The following MGMT variants were observed in gnomAD, a reference collection of about 807,000 sequenced individuals.
MGMT encodes O-6-methylguanine-DNA methyltransferase, also known as methylated-DNA--protein-cysteine methyltransferase.
A neutral mutation model predicts 15.9 loss-of-function variants in MGMT; 14 were observed. The ratio of observed to expected loss-of-function variants is 0.88; its 90% confidence interval spans 0.58 to 1.37. The LOEUF (loss-of-function observed/expected upper bound fraction) is 1.37, where lower values mean the gene tolerates loss of function less well. Among genes scored for constraint, MGMT ranks in the 40% most tolerant of loss-of-function variants. The pLI, the probability that MGMT is intolerant of heterozygous loss-of-function variation, is 0.00. For synonymous variants in MGMT, 130 were observed against 118.2 expected, an observed-to-expected ratio of 1.10 and a Z score of -0.65; for missense variants, 282 against 268.1, an observed-to-expected ratio of 1.05 and a Z score of -0.36.
At chr10:129,509,917 G>A (rs1055276922) in intron 1 of MGMT, among the ~76,000 whole-genome samples, 2 of 152,240 alleles carry the variant, frequency 1.3e-5, no homozygotes, top group Non-Finnish European at 1.5e-5. Context: ...ACCCACCTGG[G>A]GGCTGTTTCC....
intron 2 of MGMT, among the ~76,000 whole-genome samples, chr10:129,631,623 G>GACC (rs905655882): frequency 6.6e-6 from 1 of 152,148 alleles, no homozygotes; most frequent in African/African-American, 2.4e-5. Flanking sequence ...AGGAGTTCAG[G>GACC]ACCAGCCTGG....
chr10:129,606,477 T>C (rs1185118090), intron 2 of MGMT, among the ~76,000 whole-genome samples: 1 of 152,210 alleles, frequency 6.6e-6, no homozygotes, highest in Non-Finnish European at 1.5e-5. Flanking sequence ...GAGGTCTCTG[T>C]AAACATGCTG....
intron 4 of MGMT, among the ~76,000 whole-genome samples, chr10:129,762,191 G>A (rs1164766057): frequency 6.6e-6 from 1 of 152,200 alleles, no homozygotes; most frequent in Non-Finnish European, 1.5e-5. Flanking sequence ...GTGCGTCGCT[G>A]AGACTCGCTC....
At chr10:129,562,716 C>T (rs756477548) in intron 2 of MGMT, among the ~76,000 whole-genome samples, 10 of 152,134 alleles carry the variant, frequency 6.6e-5, no homozygotes, top group African/African-American at 2.2e-4. Flanking sequence ...AGCTGTGACT[C>T]GGCCACACGT....
intron 2 of MGMT, among the ~76,000 whole-genome samples, chr10:129,547,796 C>A (rs7098786): frequency 0.028 from 4,257 of 152,298 alleles, 128 homozygotes; most frequent in African/African-American, 0.077. Context: ...CAATGTTAGC[C>A]TTCAGCTGCT....
At chr10:129,511,118 C>A (rs1263611487) in intron 1 of MGMT, among the ~76,000 whole-genome samples, 1 of 130,684 alleles carries the variant, frequency 7.7e-6, no homozygotes, top group Admixed American at 7.3e-5. Context: ...GATGGGAACC[C>A]AGTATACTAG....
intron 2 of MGMT, among the ~76,000 whole-genome samples, chr10:129,574,944 A>G (rs1452194054): frequency 6.6e-6 from 1 of 152,162 alleles, no homozygotes; most frequent in Non-Finnish European, 1.5e-5. Flanking sequence ...CCCCTCTGAT[A>G]CCAGGGAAAG....
chr10:129,689,586 G>A (rs974949346), intron 2 of MGMT, among the ~76,000 whole-genome samples: 7 of 152,108 alleles, frequency 4.6e-5, no homozygotes, highest in Admixed American at 1.3e-4. Context: ...CAGGTCCTTC[G>A]GTTACCACAA....
intron 1 of MGMT, among the ~76,000 whole-genome samples, chr10:129,515,775 G>A (rs1845731911): frequency 6.6e-6 from 1 of 152,258 alleles, no homozygotes; most frequent in Admixed American, 6.5e-5. Context: ...GTAAAAGCAG[G>A]TTTACTTAGC....
chr10:129,578,329 T>C (rs911010246), intron 2 of MGMT, among the ~76,000 whole-genome samples: 22 of 152,186 alleles, frequency 1.4e-4, no homozygotes, highest in African/African-American at 5.1e-4. Flanking sequence ...GTGGCACATA[T>C]ACACCATGGA....
intron 1 of MGMT, among the ~76,000 whole-genome samples, chr10:129,479,386 A>ATT (rs5788992): frequency 0.5 from 75,893 of 151,186 alleles, 20,759 homozygotes; most frequent in East Asian, 0.65. Context: ...AGATTGGTTG[A>ATT]TTTTTTTTTG....
chr10:129,623,708 G>GACAA (rs936301196), intron 2 of MGMT, among the ~76,000 whole-genome samples: 1 of 151,942 alleles, frequency 6.6e-6, no homozygotes, highest in Non-Finnish European at 1.5e-5. Context: ...TTTTTGAAAG[G>GACAA]ACAAGTCTTG....
At chr10:129,703,344 G>A (rs1848120878) in intron 2 of MGMT, among the ~76,000 whole-genome samples, 1 of 152,166 alleles carries the variant, frequency 6.6e-6, no homozygotes, top group Non-Finnish European at 1.5e-5. Context: ...ATGAGAGAAG[G>A]ACGCCCGCGT....
chr10:129,595,576 A>T (rs1846741882), intron 2 of MGMT, among the ~76,000 whole-genome samples: 1 of 151,970 alleles, frequency 6.6e-6, no homozygotes, highest in Non-Finnish European at 1.5e-5. Context: ...GTCAGATGAA[A>T]AGTGTTGACT....
chr10:129,650,650 T>C (rs1243395788), intron 2 of MGMT, among the ~76,000 whole-genome samples: 1 of 152,204 alleles, frequency 6.6e-6, no homozygotes, highest in Non-Finnish European at 1.5e-5. Flanking sequence ...AGCTGTGTAA[T>C]CGCCACCTCT....
At chr10:129,587,682 C>T (rs923612130) in intron 2 of MGMT, among the ~76,000 whole-genome samples, 40 of 151,492 alleles carry the variant, frequency 2.6e-4, no homozygotes, top group Middle Eastern at 3.4e-3. Flanking sequence ...ATGATCCACC[C>T]GCCTCGGCTT....
chr10:129,758,938 C>T (rs546240873), intron 3 of MGMT, among the ~76,000 whole-genome samples: 2 of 152,338 alleles, frequency 1.3e-5, no homozygotes, highest in Admixed American at 6.5e-5. Flanking sequence ...ACGCGGAACA[C>T]GGGAAGATGG....
intron 1 of MGMT, among the ~76,000 whole-genome samples, chr10:129,503,422 G>T (rs113912937): frequency 0.012 from 1,761 of 152,314 alleles, 28 homozygotes; most frequent in African/African-American, 0.04. Context: ...GCACACAAAT[G>T]TGAGATAGCA....
intron 3 of MGMT, among the ~76,000 whole-genome samples, chr10:129,758,533 G>A (rs1179881423): frequency 2.6e-5 from 4 of 152,118 alleles, no homozygotes; most frequent in Non-Finnish European, 5.9e-5. Flanking sequence ...TTCTCCTGCA[G>A]TCACCTCCTC....
Sources: allele counts gnomAD v4.1 joint callset (sites outside exome capture counted in the v4.1 genomes callset), GRCh38; gene constraint gnomAD v4.1.1; transcripts MANE v1.5; gene names NCBI Gene and HGNC (gene_info 2026-07-23, HGNC 2026-07-21).